The following GMDS variants were observed in gnomAD, a reference collection of about 807,000 sequenced individuals.
The protein encoded by GMDS is GDP-mannose 4,6-dehydratase.
In GMDS, 20 loss-of-function variants were observed where a neutral mutation model predicts 49.9. The ratio of observed to expected loss-of-function variants is 0.40; its 90% confidence interval spans 0.28 to 0.58. GMDS has a LOEUF of 0.58. GMDS is among the 20% of genes least tolerant of loss of function. The pLI is 0.42. For synonymous variants in GMDS, 177 were observed against 178.6 expected (o/e 0.99, Z 0.07); for missense variants, 362 against 481.4 (o/e 0.75, Z 2.32).
chr6:1,726,222 G>C (rs886942633), intron 9 of GMDS, among the ~76,000 whole-genome samples, 194 bp downstream of exon 9: 1 of 152,202 alleles, frequency 6.6e-6, no homozygotes, highest in Non-Finnish European at 1.5e-5. Flanking sequence ...TTCCTTTATA[G>C]AGCAATGAAG....
chr6:1,932,807 G>C (rs1330265013), intron 6 of GMDS, among the ~76,000 whole-genome samples: 1 of 151,944 alleles, frequency 6.6e-6, no homozygotes, highest in Non-Finnish European at 1.5e-5. Context: ...GAAAGCACTG[G>C]GATTACAGGC....
intron 1 of GMDS, among the ~76,000 whole-genome samples, chr6:2,239,364 T>C (rs993458252): frequency 1.3e-5 from 2 of 151,756 alleles, no homozygotes; most frequent in African/African-American, 4.8e-5. Flanking sequence ...TGGCTTTATG[T>C]CTAAAACTGA....
At chr6:1,813,824 T>C (rs1452987012) in intron 7 of GMDS, among the ~76,000 whole-genome samples, 1 of 152,220 alleles carries the variant, frequency 6.6e-6, no homozygotes. Context: ...ATCCATCTTA[T>C]TGTCTTATAA....
At chr6:1,683,669 G>A (rs534648359) in intron 9 of GMDS, among the ~76,000 whole-genome samples, 166 of 152,302 alleles carry the variant, frequency 1.1e-3, no homozygotes, top group African/African-American at 3.9e-3. Flanking sequence ...AAAACCTTTA[G>A]ACATGAGAGG....
At chr6:2,082,733 C>T (rs80285900) in intron 4 of GMDS, among the ~76,000 whole-genome samples, 1 of 152,166 alleles carries the variant, frequency 6.6e-6, no homozygotes, top group Non-Finnish European at 1.5e-5. Context: ...AGAACATATA[C>T]TGGTTTGTAA....
intron 1 of GMDS, among the ~76,000 whole-genome samples, chr6:2,215,859 A>T (rs185695641): frequency 6.6e-6 from 1 of 152,344 alleles, no homozygotes; most frequent in East Asian, 1.9e-4. Context: ...TTATTAACTT[A>T]GTAAATACAA....
At chr6:1,842,359 TC>T (rs1254660288) in intron 7 of GMDS, among the ~76,000 whole-genome samples, 7 of 152,180 alleles carry the variant, frequency 4.6e-5, no homozygotes, top group African/African-American at 1.7e-4. Context: ...GGAAAGGCAA[TC>T]CCAACTCCTC....
At chr6:1,696,758 G>A (rs888136441) in intron 9 of GMDS, among the ~76,000 whole-genome samples, 1 of 152,200 alleles carries the variant, frequency 6.6e-6, no homozygotes, top group Non-Finnish European at 1.5e-5. Flanking sequence ...TCCAAGCTAG[G>A]TCCACTGCCT....
At chr6:1,784,294 A>G (rs2113618244) in intron 7 of GMDS, among the ~76,000 whole-genome samples, 1 of 144,118 alleles carries the variant, frequency 6.9e-6, no homozygotes, top group East Asian at 2.2e-4. Flanking sequence ...CAGGAGGCTG[A>G]GGCAGGAGAA....
rs1282851049 is a variant in GMDS at position 2,225,224 on chromosome 6, G to T, written c.102+20097C>A. 5.9e-5 allele frequency among the ~76,000 whole-genome samples: 9 copies of T among 152,056 alleles called. No individual in the cohort carries two copies. In the East Asian group the frequency reaches 1.7e-3, roughly 29 times the overall value. ...GCACAACTGTGGTCCCAGCTACTCG[G>T]GAGGCTGAGGCAGAAGTATTGTCTG... On this transcript the variant is annotated intron_variant, in intron 1 of 10. Coordinates refer to ENST00000380815, the MANE Select transcript of GMDS (RefSeq NM_001500.4).
intron 7 of GMDS, among the ~76,000 whole-genome samples, chr6:1,859,465 G>A (rs1200044717): frequency 1.3e-5 from 2 of 152,292 alleles, no homozygotes; most frequent in Middle Eastern, 3.4e-3. Flanking sequence ...CAGCTGTAAT[G>A]GCCACCAAAC....
chr6:1,969,289 A>AAG (rs1554139684), intron 4 of GMDS, among the ~76,000 whole-genome samples: 7,794 of 84,010 alleles, frequency 0.093, 1,907 homozygotes, highest in African/African-American at 0.11. Flanking sequence ...AAAAAAAAAA[A>AAG]AGAGAAAGAA....
chr6:1,863,539 G>A (rs773739853), intron 7 of GMDS, among the ~76,000 whole-genome samples: 16 of 152,200 alleles, frequency 1.1e-4, no homozygotes, highest in Non-Finnish European at 1.8e-4. Flanking sequence ...GGGACATTCA[G>A]TATCTCTCAA....
chr6:2,048,044 A>C (rs1770132868), intron 4 of GMDS, among the ~76,000 whole-genome samples: 1 of 152,192 alleles, frequency 6.6e-6, no homozygotes, highest in Non-Finnish European at 1.5e-5. Flanking sequence ...ATCACTCTGA[A>C]AACTAGCGTT....
intron 9 of GMDS, chr6:1,679,917 A>C (rs1224093981): frequency 6.6e-6 from 1 of 152,242 alleles, no homozygotes; most frequent in Non-Finnish European, 1.5e-5. Flanking sequence ...TTGAACAATT[A>C]ATTGGTCTCC....
chr6:2,176,095 T>C (rs1172006421), intron 1 of GMDS: 3 of 911,230 alleles, frequency 3.3e-6, no homozygotes, highest in Non-Finnish European at 3.3e-6. Context: ...CAACATGTAA[T>C]TCTGGTGTCC....
At chr6:1,644,735 C>T (rs62390644) in intron 9 of GMDS, among the ~76,000 whole-genome samples, 18,577 of 152,134 alleles carry the variant, frequency 0.12, 1,517 homozygotes, top group Non-Finnish European at 0.18. Flanking sequence ...CCAGGGTTCA[C>T]GGCCACCCCC....
intron 4 of GMDS, among the ~76,000 whole-genome samples, chr6:1,981,630 C>T (rs1765224911): frequency 6.6e-6 from 1 of 151,998 alleles, no homozygotes; most frequent in African/African-American, 2.4e-5. Flanking sequence ...GAAACTATTC[C>T]AAAAAATTGA....
chr6:2,016,376 A>G (rs1767903186), intron 4 of GMDS, among the ~76,000 whole-genome samples: 1 of 152,198 alleles, frequency 6.6e-6, no homozygotes, highest in Non-Finnish European at 1.5e-5. Context: ...ATCGCAATAA[A>G]AAAGTGGTCA....
Sources: gnomAD v4.1 joint callset for allele counts (sites outside exome capture counted in the v4.1 genomes callset) on GRCh38, gnomAD v4.1.1 for gene constraint, MANE v1.5 for transcripts, NCBI Gene and HGNC (gene_info 2026-07-23, HGNC 2026-07-21) for gene names.